TRIM66: variants seen among roughly 807,000 people sequenced by gnomAD.
The protein encoded by TRIM66 is tripartite motif containing 66, also known as tripartite motif-containing protein 66.
Under a neutral mutation model 148.2 loss-of-function variants are expected in TRIM66, and 99 were observed. The ratio of observed to expected loss-of-function variants is 0.67; its 90% CI spans 0.57 to 0.79. TRIM66 has a LOEUF of 0.79. Among genes scored for constraint, TRIM66 ranks in the 30% least tolerant of loss-of-function variants. The pLI, the probability that TRIM66 is intolerant of heterozygous loss-of-function variation, is 0.00. For missense variants in TRIM66, 1,666 were observed against 1,697.9 expected, an observed-to-expected ratio of 0.98 and a Z score of 0.33; for synonymous variants, 616 against 635.9, an observed-to-expected ratio of 0.97 and a Z score of 0.47.
chr11:8,625,349 T>C, intron 15 of TRIM66, 121 bp from the exon 16 acceptor site: 7 of 674,598 alleles, frequency 1.0e-5, no homozygotes, highest in Non-Finnish European at 1.4e-5. Context: ...CAGAGTCTGG[T>C]AGCTGCTGGT....
rs1176262528 is a variant in TRIM66, at chr11:8,640,233, G to A, written c.2142C>T (p.Thr714=). Reference sequence around the variant, plus strand: ...AAGCCACCCTGACGCTTACCTGCAGGGTCTCCTCCTGGCTCTGGGACTGGA... The same window carrying A: ...AAGCCACCCTGACGCTTACCTGCAGAGTCTCCTCCTGGCTCTGGGACTGGA... ...APVQSQSQEE[T]LQATDEPPAS... The change falls in exon 14 of 25, where the codon ACC becomes ACT. Residue 714 remains threonine (T), a synonymous_variant. Transcript: ENST00000646038. The A allele has an allele frequency of 7.7e-6, 12 of 1,550,752 alleles. No homozygotes were observed. Among genetic ancestry groups the A allele is most frequent in the Non-Finnish European group, 1.0e-5 (12 of 1,146,418 alleles).
intron 15 of TRIM66, among the ~76,000 whole-genome samples, chr11:8,627,020 G>T (rs79392768): frequency 0.073 from 11,069 of 152,224 alleles, 561 homozygotes; most frequent in Middle Eastern, 0.12. Flanking sequence ...TTGCCAGAAA[G>T]CCTTCTTTCA....
chr11:8,633,655 G>A (rs1271264612), intron 15 of TRIM66, among the ~76,000 whole-genome samples: 1 of 152,146 alleles, frequency 6.6e-6, no homozygotes, highest in Non-Finnish European at 1.5e-5. Context: ...GCTGCTGTCA[G>A]GGCTAGGCTA....
chr11:8,682,112 A>C (rs941152462), intron 1 of TRIM66, among the ~76,000 whole-genome samples: 26 of 152,216 alleles, frequency 1.7e-4, no homozygotes, highest in African/African-American at 5.3e-4. Flanking sequence ...TAAAAGGACC[A>C]TAAAGCAACC....
At chr11:8,661,677 A>T (rs2133386965) in intron 6 of TRIM66, among the ~76,000 whole-genome samples, 1 of 152,226 alleles carries the variant, frequency 6.6e-6, no homozygotes, top group African/African-American at 2.4e-5. Flanking sequence ...GTGACCGATT[A>T]TGTGGTTTTC....
chr11:8,668,543 G>C (rs2038738934), intron 6 of TRIM66, among the ~76,000 whole-genome samples: 1 of 151,944 alleles, frequency 6.6e-6, no homozygotes, highest in African/African-American at 2.4e-5. Context: ...CTTGCTCATA[G>C]CATGGAGATT....
chr11:8,672,279 G>C lies in TRIM66; in HGVS notation c.-5C>G. On this transcript the variant is annotated 5_prime_UTR_variant, in exon 5 of 25. Transcript: ENST00000646038. ...CCAAAAAGAGAGTCTAGCCATCTCTGCCGTGGAAAACAAAGCGTGGAGGTG... is the reference window on the plus strand; with the variant it reads ...CCAAAAAGAGAGTCTAGCCATCTCTCCCGTGGAAAACAAAGCGTGGAGGTG... The C allele has an allele frequency of 6.5e-7, 1 of 1,536,114 alleles. No individual in the cohort carries two copies. The highest frequency in any genetic ancestry group is 8.7e-7 in the Non-Finnish European group (1 of 1,146,916).
In TRIM66 at chr11:8,640,416, C is replaced by T. The variant is rs191435703; in HGVS notation, c.1959G>A (p.Met653Ile). The change falls in exon 14 of 25, where the codon ATG (methionine) becomes ATA (isoleucine). Residue 653 changes from methionine to isoleucine, a missense_variant. Physicochemically the swap from Met to Ile is conservative, Grantham distance 10. This residue lies in a region of TRIM66 where 1,431 missense variants were observed against 1,412.4 expected (regional missense o/e 1.01). Coordinates refer to ENST00000646038, the MANE Select transcript of TRIM66 (RefSeq NM_001388022.1). The part of the protein sequence containing the change: ...GPACSQNMDI[M>I]HHKFELEEMQ... Reference sequence around the variant, plus strand: ...TTTCCTCCAGCTCAAACTTGTGATGCATTATGTCCATGTTCTGAGAACAGG... The same window carrying T: ...TTTCCTCCAGCTCAAACTTGTGATGTATTATGTCCATGTTCTGAGAACAGG... The T allele has an allele frequency of 7.1e-6, 11 of 1,551,814 alleles. No homozygotes were observed. In the East Asian group the frequency reaches 2.4e-4, roughly 34 times the overall value.
chr11:8,651,499 G>A (rs1432313004), intron 7 of TRIM66, among the ~76,000 whole-genome samples: 2 of 151,998 alleles, frequency 1.3e-5, no homozygotes, highest in Admixed American at 6.6e-5. Context: ...CTGTAAGAGA[G>A]AGAAAAATAA....
rs199921637 is a variant in TRIM66 at position 8,640,565 on chromosome 11, G to C, written c.1810C>G (p.Pro604Ala). The change falls in exon 14 of 25, where the codon CCT (proline) becomes GCT (alanine). Residue 604 changes from proline (P) to alanine (A), a missense_variant. Coordinates refer to ENST00000646038, the MANE Select transcript of TRIM66 (RefSeq NM_001388022.1). ...GGATGGGGGAGGGGTGGTGGTGGAGGTGGTAGCTGCTGCTGTGGCTGCTGC... is the reference window on the plus strand; with the variant it reads ...GGATGGGGGAGGGGTGGTGGTGGAGCTGGTAGCTGCTGCTGTGGCTGCTGC... ...FQQQPQQQLP[P>A]PPPPLPHPPP... 227 of 1,548,484 alleles carry C rather than the reference G, an allele frequency of 1.5e-4. No individual in the cohort carries two copies. The highest frequency in any genetic ancestry group is 1.9e-4 in the Non-Finnish European group (215 of 1,145,656).
intron 6 of TRIM66, among the ~76,000 whole-genome samples, chr11:8,657,651 A>G (rs2037944500): frequency 6.6e-6 from 1 of 152,110 alleles, no homozygotes; most frequent in Admixed American, 6.5e-5. Context: ...CAGGCTGGAC[A>G]TCCTCACCAA....
At chr11:8,666,263 C>T (rs1261512802) in intron 6 of TRIM66, among the ~76,000 whole-genome samples, 1 of 144,210 alleles carries the variant, frequency 6.9e-6, no homozygotes, top group Non-Finnish European at 1.5e-5. Flanking sequence ...CGCTTGAACC[C>T]GGGAGGCAGA....
intron 15 of TRIM66, among the ~76,000 whole-genome samples, chr11:8,634,773 T>C (rs1026748371): frequency 6.6e-6 from 1 of 152,208 alleles, no homozygotes; most frequent in African/African-American, 2.4e-5. Flanking sequence ...TCGGCTCACA[T>C]AGCACCAACT....
At chr11:8,673,072 T>G (rs868332225) in intron 4 of TRIM66, among the ~76,000 whole-genome samples, 165 of 151,966 alleles carry the variant, frequency 1.1e-3, no homozygotes, top group African/African-American at 3.8e-3. Flanking sequence ...CCCGAGTAGC[T>G]GGGACTACAG....
intron 6 of TRIM66, among the ~76,000 whole-genome samples, chr11:8,665,963 G>C (rs1170611759): frequency 6.6e-6 from 1 of 151,830 alleles, no homozygotes; most frequent in Non-Finnish European, 1.5e-5. Context: ...AATAAAAAAA[G>C]AGGAAGTTTA....
rs145812634 is a variant in TRIM66 at position 8,641,887 on chromosome 11, G to A, written c.1223-735C>T. 2.1e-4 allele frequency among the ~76,000 whole-genome samples: 32 copies of A among 152,214 alleles called. No individual in the cohort carries two copies. The South Asian group carries it at 6.6e-3, about 32-fold the overall frequency. ...TTGCTGCTCTGTCCATGTGATGTGC[G>A]TCTTCACCTTCTGTCATGATTGTAA... On this transcript the variant is annotated intron_variant, in intron 13 of 24. Transcript: ENST00000646038.
chr11:8,641,096 C>T lies in TRIM66; in HGVS notation c.1279G>A (p.Gly427Ser). The change falls in exon 14 of 25, where the codon GGC (glycine) becomes AGC (serine). Residue 427 changes from glycine to serine, a missense_variant. Physicochemically the swap from Gly to Ser is moderately conservative, Grantham distance 56. Transcript: ENST00000646038. ...MSRADAPAYGGLQGSSPFYQS... is the reference protein window; with the variant it reads ...MSRADAPAYGSLQGSSPFYQS... ...TAAAAGGGTGATGACCCCTGTAAGCCTCCATAAGCAGGAGCATCTGCCCTG... is the reference window on the plus strand; with the variant it reads ...TAAAAGGGTGATGACCCCTGTAAGCTTCCATAAGCAGGAGCATCTGCCCTG... 6.4e-7 allele frequency: 1 copy of T among 1,551,708 alleles called. No homozygotes were observed. The highest frequency in any genetic ancestry group is 8.7e-7 in the Non-Finnish European group (1 of 1,146,982).
intron 20 of TRIM66, among the ~76,000 whole-genome samples, 182 bp from the exon 21 acceptor site, chr11:8,620,754 C>G (rs1049485516): frequency 6.6e-6 from 1 of 152,216 alleles, no homozygotes; most frequent in African/African-American, 2.4e-5. Context: ...TCTAGAAAAA[C>G]AGGGGTTAGG....
intron 6 of TRIM66, chr11:8,658,712 G>A (rs1488407003): frequency 1.2e-5 from 11 of 943,908 alleles, no homozygotes; most frequent in African/African-American, 3.6e-5. Flanking sequence ...GCTGCAGCAC[G>A]CAGATGCCAG....
Sources: allele counts gnomAD v4.1 joint callset (sites outside exome capture counted in the v4.1 genomes callset), GRCh38; gene constraint gnomAD v4.1.1; regional missense constraint gnomAD v4.1.1; transcripts MANE v1.5; gene names NCBI Gene and HGNC (gene_info 2026-07-23, HGNC 2026-07-21).